Variants in NRG3 observed in about 807,000 individuals in gnomAD.
The protein encoded by NRG3 is neuregulin 3, also known as pro-neuregulin-3, membrane-bound isoform.
A neutral mutation model predicts 66.9 loss-of-function variants in NRG3; 31 were observed. The observed-to-expected ratio is 0.46, with a 90% CI of 0.35 to 0.63. The LOEUF (loss-of-function observed/expected upper bound fraction) is 0.63, where lower values mean the gene tolerates loss of function less well. Ranked by LOEUF, NRG3 falls within the 20% of genes least tolerant of loss-of-function variation. NRG3 has a pLI of 0.00. For synonymous variants in NRG3, 393 were observed against 359.4 expected, an observed-to-expected ratio of 1.09 and a Z score of -1.06; for missense variants, 910 against 878.9, an observed-to-expected ratio of 1.04 and a Z score of -0.45.
At chr10:82,859,488 T>A (rs572144472) in intron 3 of NRG3, among the ~76,000 whole-genome samples, 26 of 152,272 alleles carry the variant, frequency 1.7e-4, no homozygotes, top group African/African-American at 6.0e-4. Flanking sequence ...ATCCTGAGAT[T>A]GGAATCAAGG....
At chr10:82,076,308 A>C (rs2065087687) in intron 1 of NRG3, among the ~76,000 whole-genome samples, 1 of 152,156 alleles carries the variant, frequency 6.6e-6, no homozygotes, top group Non-Finnish European at 1.5e-5. Flanking sequence ...AAGACAGAGA[A>C]AGATCTTGTC....
chr10:82,856,202 C>T (rs2063794477), intron 3 of NRG3, among the ~76,000 whole-genome samples: 1 of 152,076 alleles, frequency 6.6e-6, no homozygotes, highest in Non-Finnish European at 1.5e-5. Flanking sequence ...AACCAGATGG[C>T]ATTTTTACTC....
chr10:82,164,965 C>T (rs190486204), intron 1 of NRG3, among the ~76,000 whole-genome samples: 11 of 152,184 alleles, frequency 7.2e-5, no homozygotes, highest in Non-Finnish European at 1.3e-4. Context: ...TTAGAAAAGA[C>T]TGGCACTCTA....
chr10:81,900,486 A>G (rs898318051), intron 1 of NRG3, among the ~76,000 whole-genome samples: 2 of 152,250 alleles, frequency 1.3e-5, no homozygotes, highest in African/African-American at 2.4e-5. Context: ...GCAGAACTCC[A>G]TATCCAGTGT....
In NRG3 at chr10:82,096,473, A is replaced by G. The variant is rs567676090; in HGVS notation, c.823+220310A>G. Among the ~76,000 whole-genome samples the G allele has an allele frequency of 2.0e-4, 30 of 152,168 alleles. No homozygotes were observed. In the South Asian group the frequency reaches 5.2e-3, roughly 26 times the overall value. Reference sequence around the variant, plus strand: ...CCTGGTGACAGAGCGAGAGTCTCAAAAAACGAACAAACAAAAAAAAAACAA... The same window carrying G: ...CCTGGTGACAGAGCGAGAGTCTCAAGAAACGAACAAACAAAAAAAAAACAA... On this transcript the variant is annotated intron_variant, in intron 1 of 8. Transcript: ENST00000372141.
chr10:82,709,571 G>A (rs1258369076), intron 2 of NRG3, among the ~76,000 whole-genome samples: 3 of 151,972 alleles, frequency 2.0e-5, no homozygotes, highest in Non-Finnish European at 2.9e-5. Flanking sequence ...AGTAGAGACG[G>A]GGTTTAACCA....
chr10:82,248,752 A>G (rs1446969219), intron 1 of NRG3, among the ~76,000 whole-genome samples: 2 of 152,196 alleles, frequency 1.3e-5, no homozygotes, highest in South Asian at 2.1e-4. Context: ...ACTTGCTTCC[A>G]GTACATTCTG....
intron 2 of NRG3, among the ~76,000 whole-genome samples, chr10:82,438,146 G>A (rs1447633252): frequency 1.3e-5 from 2 of 152,236 alleles, no homozygotes; most frequent in African/African-American, 4.8e-5. Flanking sequence ...GAACTACCAG[G>A]AGGTGAGGCT....
chr10:82,155,626 G>A (rs900853066), intron 1 of NRG3, among the ~76,000 whole-genome samples: 1 of 151,734 alleles, frequency 6.6e-6, no homozygotes, highest in African/African-American at 2.4e-5. Context: ...TATGATGGTA[G>A]AGTGAAGCAC....
intron 2 of NRG3, among the ~76,000 whole-genome samples, chr10:82,367,146 G>T (rs6584681): frequency 6.6e-6 from 1 of 151,874 alleles, no homozygotes; most frequent in Non-Finnish European, 1.5e-5. Context: ...ACACGGAGAC[G>T]TGCACACACT....
chr10:82,671,495 A>T (rs1027619803), intron 2 of NRG3, among the ~76,000 whole-genome samples: 4 of 152,166 alleles, frequency 2.6e-5, no homozygotes, highest in Non-Finnish European at 5.9e-5. Flanking sequence ...CTGAAGATAT[A>T]TGGAGCAGTG....
intron 3 of NRG3, among the ~76,000 whole-genome samples, chr10:82,834,823 C>G (rs940198622): frequency 2.0e-5 from 3 of 152,158 alleles, no homozygotes; most frequent in African/African-American, 7.2e-5. Context: ...TCATTTTTCC[C>G]TGGGCCTCAC....
chr10:82,607,162 T>C (rs1455835282), intron 2 of NRG3, among the ~76,000 whole-genome samples: 1 of 152,202 alleles, frequency 6.6e-6, no homozygotes, highest in Non-Finnish European at 1.5e-5. Context: ...GCCATATCTA[T>C]CAATAACTGT....
intron 2 of NRG3, among the ~76,000 whole-genome samples, chr10:82,496,529 C>A (rs1043737426): frequency 3.9e-5 from 6 of 152,148 alleles, no homozygotes; most frequent in African/African-American, 1.4e-4. Context: ...GTTTATTTCT[C>A]TTTCTGCCTT....
intron 2 of NRG3, among the ~76,000 whole-genome samples, chr10:82,587,726 G>C (rs1565100066): frequency 6.6e-6 from 1 of 152,140 alleles, no homozygotes; most frequent in Non-Finnish European, 1.5e-5. Flanking sequence ...GAGCACAGGG[G>C]TTCTCTGTTT....
chr10:82,193,684 A>G (rs1381745117), intron 1 of NRG3, among the ~76,000 whole-genome samples: 2 of 152,186 alleles, frequency 1.3e-5, no homozygotes, highest in African/African-American at 4.8e-5. Flanking sequence ...ATCAAGAATG[A>G]AATTCCGAAT....
At chr10:82,733,969 AGAT>A (rs2058040672) in intron 2 of NRG3, among the ~76,000 whole-genome samples, 1 of 152,234 alleles carries the variant, frequency 6.6e-6, no homozygotes, top group African/African-American at 2.4e-5. Flanking sequence ...GCTGGCCAAA[AGAT>A]GATCATTTCT....
At chr10:82,543,195 A>G (rs1469467148) in intron 2 of NRG3, among the ~76,000 whole-genome samples, 2 of 152,072 alleles carry the variant, frequency 1.3e-5, no homozygotes, top group African/African-American at 4.8e-5. Context: ...CCCAGCCTAG[A>G]TCATTTTTTA....
At chr10:82,176,095 G>A (rs1178805689) in intron 1 of NRG3, among the ~76,000 whole-genome samples, 6 of 152,154 alleles carry the variant, frequency 3.9e-5, no homozygotes. Context: ...ACAGGAGCAA[G>A]TTTCTTCTTG....
Sources: allele counts gnomAD v4.1 joint callset (sites outside exome capture counted in the v4.1 genomes callset), GRCh38; gene constraint gnomAD v4.1.1; transcripts MANE v1.5; gene names NCBI Gene and HGNC (gene_info 2026-07-23, HGNC 2026-07-21).